Variants in ARID1B observed in about 807,000 individuals in gnomAD.
ARID1B encodes the protein AT-rich interaction domain 1B.
ARID1B carries 30 observed loss-of-function variants against 212.3 expected under a neutral mutation model. The ratio of observed to expected loss-of-function variants is 0.14; its 90% CI spans 0.11 to 0.19. ARID1B has a LOEUF of 0.19. Among genes scored for constraint, ARID1B ranks in the 10% least tolerant of loss-of-function variants. The pLI is 1.00. For missense variants in ARID1B, 2,891 were observed against 3,204.0 expected (o/e 0.90, Z 2.36); for synonymous variants, 1,402 against 1,301.7 (o/e 1.08, Z -1.66).
Position 157,097,714 on chromosome 6 carries a change from C to T in ARID1B, c.2492-12758C>T, listed in dbSNP as rs80147343. 6.3e-3 allele frequency among the ~76,000 whole-genome samples: 963 copies of T among 152,264 alleles called. 4 individuals are homozygous for T. Among genetic ancestry groups the T allele is most frequent in the Middle Eastern group, 0.01 (3 of 294 alleles). On this transcript the variant is annotated intron_variant, in intron 5 of 19. Transcript: ENST00000636930. ...GTCTCTATCCGGCAGCACAGAGCAG[C>T]GATCAAGTGGAAGAAAGGGAGCAGG...
chr6:156,994,440 C>T (rs1778462527), intron 4 of ARID1B, among the ~76,000 whole-genome samples: 1 of 151,938 alleles, frequency 6.6e-6, no homozygotes, highest in African/African-American at 2.4e-5. Flanking sequence ...GAAGAATTTA[C>T]GAGGCTCCGT....
chr6:157,204,072 A>G, intron 19 of ARID1B, 76 bp downstream of exon 19: 1 of 1,572,600 alleles, frequency 6.4e-7, no homozygotes. Context: ...TGCTTGAACT[A>G]ATGCCTGAGT....
intron 6 of ARID1B, among the ~76,000 whole-genome samples, chr6:157,120,775 A>G (rs1453713271): frequency 1.6e-4 from 24 of 152,206 alleles, no homozygotes; most frequent in Admixed American, 1.6e-3. Context: ...CATGTGCCAA[A>G]TGAAAAACGT....
Position 157,190,652 on chromosome 6 carries a change from G to A in ARID1B, c.4231+442G>A, listed in dbSNP as rs776081825. Among the ~76,000 whole-genome samples, 13 of 152,230 alleles carry A rather than the reference G, an allele frequency of 8.5e-5. No homozygotes were observed. Among genetic ancestry groups the A allele is most frequent in the Non-Finnish European group, 1.6e-4 (11 of 68,044 alleles). ...GGTGGTGTGCTAGTGTGCGCTGGGC[G>A]CTAGCTCGTGGATTGGTAAATCAGA... is the stretch of plus-strand genomic sequence containing the variant. On this transcript the variant is annotated intron_variant, in intron 15 of 19. Transcript: ENST00000636930. The surrounding 1 kb of genome is among the most constrained non-coding windows in gnomAD (Gnocchi z 4.6).
intron 3 of ARID1B, among the ~76,000 whole-genome samples, chr6:156,922,253 A>G (rs1320720530): frequency 6.6e-6 from 1 of 151,178 alleles, no homozygotes; most frequent in African/African-American, 2.4e-5. Flanking sequence ...GCTCACTGCA[A>G]CCTTTGCCTC....
rs113783877 is a variant in ARID1B, at chr6:157,076,469, G to A, written c.2248-8193G>A. Among the ~76,000 whole-genome samples the A allele has an allele frequency of 6.2e-3, 930 of 150,666 alleles. 19 individuals are homozygous for A. The highest frequency in any genetic ancestry group is 0.022 in the African/African-American group (895 of 41,336). On this transcript the variant is annotated intron_variant, in intron 4 of 19. Coordinates refer to ENST00000636930, the MANE Select transcript of ARID1B (RefSeq NM_001374828.1). ...TTTTAAAGTTGCTAATTTATTTACA[G>A]TTCCTATAAATCTTAATGTTTATAA... is the stretch of plus-strand genomic sequence containing the variant.
Position 157,200,834 on chromosome 6 carries a change from C to T in ARID1B, c.4609C>T (p.Pro1537Ser). The change falls in exon 18 of 20, where the codon CCG becomes TCG. Residue 1537 changes from proline (P) to serine (S), a missense_variant. Transcript: ENST00000636930. This position sits in a 1 kb window ranked among gnomAD's most constrained non-coding sequence, Gnocchi z 4.3. ...YNQYGGSYSG[P>S]DRRPIQGQYP... is the part of the protein sequence containing the mutation. ...CCAGTATGGAGGCTCCTACTCGGGC[C>T]CGGACCGCAGGCCCATCCAGGGCCA... 6.2e-7 allele frequency: 1 copy of T among 1,614,096 alleles called. No individual in the cohort carries two copies. Among genetic ancestry groups the T allele is most frequent in the Non-Finnish European group, 8.5e-7 (1 of 1,180,036 alleles).
chr6:156,901,293 A>G, intron 2 of ARID1B, 83 bp from the exon 3 acceptor site: 1 of 1,516,742 alleles, frequency 6.6e-7, no homozygotes, highest in East Asian at 2.3e-5. Flanking sequence ...AACCCCCTTC[A>G]TGTTGCTGAA....
At chr6:156,897,561 A>G (rs1788582307) in intron 2 of ARID1B, among the ~76,000 whole-genome samples, 1 of 152,052 alleles carries the variant, frequency 6.6e-6, no homozygotes, top group Admixed American at 6.6e-5. Context: ...AGCTTTAGCC[A>G]CTGCACCCAG....
At chr6:157,166,995 A>G (rs371183482) in intron 8 of ARID1B, 45 bp from the exon 9 acceptor site, 10 of 1,596,818 alleles carry the variant, frequency 6.3e-6, no homozygotes, top group African/African-American at 1.3e-5. Flanking sequence ...ACCACTGCTA[A>G]TGTGCATGGT....
intron 11 of ARID1B, 61 bp from the exon 12 acceptor site, chr6:157,180,904 TCACC>T: frequency 7.1e-6 from 10 of 1,403,734 alleles, no homozygotes; most frequent in African/African-American, 4.3e-5. Flanking sequence ...TACTTTTTTC[TCACC>T]TTCTTCCCTC....
intron 4 of ARID1B, among the ~76,000 whole-genome samples, chr6:156,988,645 T>C (rs1398503275): frequency 2.0e-5 from 3 of 152,238 alleles, no homozygotes; most frequent in Non-Finnish European, 2.9e-5. Flanking sequence ...TCTGAATGCA[T>C]GTGCAAGCTT....
At chr6:157,045,255 G>A in intron 4 of ARID1B, among the ~76,000 whole-genome samples, 1 of 152,166 alleles carries the variant, frequency 6.6e-6, no homozygotes, top group African/African-American at 2.4e-5. Context: ...ATTTGCCTAA[G>A]ATATGCCCCA....
intron 8 of ARID1B, among the ~76,000 whole-genome samples, chr6:157,156,464 C>T (rs1040751057): frequency 2.0e-5 from 3 of 152,148 alleles, no homozygotes; most frequent in African/African-American, 7.2e-5. Context: ...AATTACAGAA[C>T]TATTATGGAA....
chr6:157,200,910 A>G lies in ARID1B; in HGVS notation c.4685A>G (p.Gln1562Arg), dbSNP rs2128373338. 6.2e-7 allele frequency: 1 copy of G among 1,613,824 alleles called. No homozygotes were observed. The highest frequency in any genetic ancestry group is 8.5e-7 in the Non-Finnish European group (1 of 1,179,928). The change falls in exon 18 of 20, where the codon CAG (glutamine) becomes CGG (arginine). Residue 1562 changes from glutamine to arginine, a missense_variant. Gln to Arg is a conservative substitution (Grantham distance 43, BLOSUM62 1). Coordinates refer to ENST00000636930, the MANE Select transcript of ARID1B (RefSeq NM_001374828.1). This position sits in a 1 kb window ranked among gnomAD's most constrained non-coding sequence, Gnocchi z 4.3. ...RERMQGPGQI[Q>R]THGIPPQMMG... ...AGGATGCAGGGCCCGGGGCAGATCC[A>G]GACACACGGAATCCCGCCTCAGATG...
intron 12 of ARID1B, among the ~76,000 whole-genome samples, chr6:157,181,940 C>T (rs1278904414): frequency 6.6e-6 from 1 of 152,180 alleles, no homozygotes; most frequent in Non-Finnish European, 1.5e-5. Context: ...GATGAGAAAA[C>T]TCCTGTGTAA....
At position 157,209,128 on chromosome 6, in the gene ARID1B, T is replaced by TAAAAA. The variant is rs545023901; in HGVS notation, c.*1247_*1251dup. Reference sequence around the variant, plus strand: ...ATTTGTATTTCAAGATAATGTAGTTTAAAAAAAAAAAAAAGAAAAAAACTT... The same window carrying TAAAAA: ...ATTTGTATTTCAAGATAATGTAGTTTAAAAAAAAAAAAAAAAAAAGAAAAAAACTT... On this transcript the variant is annotated 3_prime_UTR_variant, in exon 20 of 20. Coordinates refer to ENST00000636930, the MANE Select transcript of ARID1B (RefSeq NM_001374828.1). 4 of 207,550 alleles carry TAAAAA rather than the reference T, an allele frequency of 1.9e-5. No individual in the cohort carries two copies. The East Asian group carries it at 2.8e-4, about 14-fold the overall frequency. The allele number at this position is 207,550 out of a possible 1,614,324, so 12.9% of individuals were successfully genotyped here.
In ARID1B at chr6:157,179,803, A is replaced by G. The variant is rs917678986; in HGVS notation, c.3505-1166A>G. On this transcript the variant is annotated intron_variant, in intron 11 of 19. Coordinates refer to ENST00000636930, the MANE Select transcript of ARID1B (RefSeq NM_001374828.1). ...CTCAGGCATCCTTTCTGAGGGACCT[A>G]CTTTTACTGGAGATCATTCTGCTAA... is the stretch of plus-strand genomic sequence containing the variant. Among the ~76,000 whole-genome samples the G allele has an allele frequency of 2.5e-4, 38 of 152,356 alleles. No individual in the cohort carries two copies. The South Asian group carries it at 4.3e-3, about 17-fold the overall frequency.
At chr6:156,838,355 G>A (rs1275120132) in intron 2 of ARID1B, among the ~76,000 whole-genome samples, 1 of 152,164 alleles carries the variant, frequency 6.6e-6, no homozygotes, top group Non-Finnish European at 1.5e-5. Flanking sequence ...CTGAGACATG[G>A]TATAACCAGC....
Sources: gnomAD v4.1 joint callset for allele counts (sites outside exome capture counted in the v4.1 genomes callset) on GRCh38, gnomAD v4.1.1 for gene constraint, Gnocchi (gnomAD v3.1) non-coding constraint, MANE v1.5 for transcripts, NCBI Gene and HGNC (gene_info 2026-07-23, HGNC 2026-07-21) for gene names.